Variants in GPRC6A observed in about 807,000 individuals in gnomAD.
The protein encoded by GPRC6A is G protein-coupled receptor class C group 6 member A.
A neutral mutation model predicts 47.0 loss-of-function variants in GPRC6A; 54 were observed. That is an observed-to-expected ratio of 1.15 (90% CI 0.92 to 1.44). The LOEUF is 1.44. GPRC6A is among the 40% of genes most tolerant of loss of function. The pLI is 0.00. For synonymous variants in GPRC6A, 347 were observed against 377.1 expected, an observed-to-expected ratio of 0.92 and a Z score of 0.93; for missense variants, 1,112 against 1,105.5, an observed-to-expected ratio of 1.01 and a Z score of -0.08.
At chr6:116,810,885 G>A (rs527716497) in intron 1 of GPRC6A, among the ~76,000 whole-genome samples, 7 of 152,192 alleles carry the variant, frequency 4.6e-5, no homozygotes, top group South Asian at 2.1e-4. Context: ...TGTCACTGCC[G>A]TTGCCATCAT....
At chr6:116,819,995 A>T (rs1317586376) in intron 1 of GPRC6A, among the ~76,000 whole-genome samples, 4 of 150,832 alleles carry the variant, frequency 2.7e-5, no homozygotes, top group Non-Finnish European at 5.9e-5. Flanking sequence ...GAGAAGAATC[A>T]AATAGATGCA....
intron 1 of GPRC6A, among the ~76,000 whole-genome samples, chr6:116,810,559 A>T (rs1022462349): frequency 1.3e-5 from 2 of 151,730 alleles, no homozygotes; most frequent in Admixed American, 1.3e-4. Flanking sequence ...TAAAGTAAAT[A>T]ATAATAAAAA....
Position 116,792,190 on chromosome 6 carries a change from G to T in GPRC6A, c.2733C>A (p.Ala911=). ...GAGGCAAAGTTTTAGATACACTTGTGGCATTTTCCCTGCATATGTGTGCAA... is the reference window on the plus strand; with the variant it reads ...GAGGCAAAGTTTTAGATACACTTGTTGCATTTTCCCTGCATATGTGTGCAA... ...QAFAHICREN[A]TSVSKTLPRK... Residue 911 remains alanine (A), a synonymous_variant, in exon 6 of 6, where the codon GCC becomes GCA. Coordinates refer to ENST00000310357, the MANE Select transcript of GPRC6A (RefSeq NM_148963.4). 1 of 1,613,788 alleles carries T rather than the reference G, an allele frequency of 6.2e-7. No individual in the cohort carries two copies. The highest frequency in any genetic ancestry group is 8.5e-7 in the Non-Finnish European group (1 of 1,179,820).
At chr6:116,816,413 CT>C (rs1773207676) in intron 1 of GPRC6A, among the ~76,000 whole-genome samples, 2 of 152,222 alleles carry the variant, frequency 1.3e-5, no homozygotes, top group Non-Finnish European at 2.9e-5. Flanking sequence ...AAAATAATCT[CT>C]TTTAACTCCA....
At chr6:116,808,841 T>C (rs906794681) in intron 2 of GPRC6A, among the ~76,000 whole-genome samples, 3 of 152,082 alleles carry the variant, frequency 2.0e-5, no homozygotes, top group Admixed American at 2.0e-4. Flanking sequence ...ATTTTTTTTT[T>C]CAGAGATCTT....
chr6:116,811,520 CA>C (rs1359772245), intron 1 of GPRC6A, among the ~76,000 whole-genome samples: 1 of 151,614 alleles, frequency 6.6e-6, no homozygotes, highest in Non-Finnish European at 1.5e-5. Flanking sequence ...AATCAAAAAG[CA>C]ATTAATGAAA....
chr6:116,807,143 T>C lies in GPRC6A; in HGVS notation c.562A>G (p.Thr188Ala), dbSNP rs780221524. 1.2e-6 allele frequency: 2 copies of C among 1,613,518 alleles called. No individual in the cohort carries two copies. The highest frequency in any genetic ancestry group is 1.3e-5 in the African/African-American group (1 of 74,988). Reference protein sequence around the residue: ...DKIRFPSFLRTVPSDFHQIKA... With the variant: ...DKIRFPSFLRAVPSDFHQIKA... ...ATTTGATGGAAGTCACTGGGCACAG[T>C]CCGTAAAAATGAAGGAAAGCGAATT... Residue 188 changes from threonine (T) to alanine (A), a missense_variant, in exon 3 of 6, where the codon ACT (threonine) becomes GCT (alanine). Coordinates refer to ENST00000310357, the MANE Select transcript of GPRC6A (RefSeq NM_148963.4).
At chr6:116,824,610 C>T (rs1379792925) in intron 1 of GPRC6A, among the ~76,000 whole-genome samples, 1 of 151,870 alleles carries the variant, frequency 6.6e-6, no homozygotes, top group African/African-American at 2.4e-5. Flanking sequence ...AAAAAGCCCC[C>T]AATAAATAAT....
At chr6:116,810,144 C>T (rs1357425302) in intron 1 of GPRC6A, among the ~76,000 whole-genome samples, 2 of 152,118 alleles carry the variant, frequency 1.3e-5, no homozygotes, top group African/African-American at 4.8e-5. Context: ...ATTTTTTATA[C>T]ATCTTGATTT....
Position 116,792,758 on chromosome 6 carries a change from C to A in GPRC6A, c.2165G>T (p.Trp722Leu). 1 of 1,613,958 alleles carries A rather than the reference C, an allele frequency of 6.2e-7. No homozygotes were observed. Among genetic ancestry groups the A allele is most frequent in the South Asian group, 1.1e-5 (1 of 91,066 alleles). ...TGIQVVICTLWLIFAAPTVEV... is the reference protein window; with the variant it reads ...TGIQVVICTLLLIFAAPTVEV... ...TACAGTAGGTGCTGCAAAGATTAGCCAGAGTGTGCAAATGACAACCTGGAT... is the reference window on the plus strand; with the variant it reads ...TACAGTAGGTGCTGCAAAGATTAGCAAGAGTGTGCAAATGACAACCTGGAT... Residue 722 changes from tryptophan (W) to leucine (L), a missense_variant, in exon 6 of 6, where the codon TGG becomes TTG. Coordinates refer to ENST00000310357, the MANE Select transcript of GPRC6A (RefSeq NM_148963.4).
At chr6:116,821,265 G>T (rs1338158128) in intron 1 of GPRC6A, among the ~76,000 whole-genome samples, 2 of 152,088 alleles carry the variant, frequency 1.3e-5, no homozygotes, top group African/African-American at 4.8e-5. Context: ...AATCAATATT[G>T]TGAAAATGGC....
intron 1 of GPRC6A, among the ~76,000 whole-genome samples, chr6:116,812,244 G>T (rs753350397): frequency 7.2e-5 from 11 of 152,118 alleles, no homozygotes; most frequent in African/African-American, 1.9e-4. Flanking sequence ...AAAAAACCCT[G>T]CCAGCCAAGG....
At chr6:116,813,328 G>A (rs1241592739) in intron 1 of GPRC6A, among the ~76,000 whole-genome samples, 1 of 152,262 alleles carries the variant, frequency 6.6e-6, no homozygotes, top group Middle Eastern at 3.4e-3. Flanking sequence ...GAACAAAGCT[G>A]GAGGCATTGT....
Position 116,809,358 on chromosome 6 carries a change from T to C in GPRC6A, c.454A>G (p.Thr152Ala). ...TTCAACATCCTGGAGACAGCCATAG[T>C]TATTTCTGAGTACCCAGAACCTATG... ...AVIGSGYSEI[T>A]MAVSRMLNLQ... Residue 152 changes from threonine to alanine, a missense_variant, in exon 2 of 6, where the codon ACT becomes GCT. Transcript: ENST00000310357. 6.2e-7 allele frequency: 1 copy of C among 1,613,672 alleles called. No homozygotes were observed. The highest frequency in any genetic ancestry group is 8.5e-7 in the Non-Finnish European group (1 of 1,179,712).
At chr6:116,804,682 T>C (rs1772783696) in intron 3 of GPRC6A, among the ~76,000 whole-genome samples, 1 of 152,108 alleles carries the variant, frequency 6.6e-6, no homozygotes, top group South Asian at 2.1e-4. Flanking sequence ...ATAAAACATT[T>C]TAGGAGACTC....
chr6:116,819,812 A>G (rs2114616701), intron 1 of GPRC6A, among the ~76,000 whole-genome samples: 1 of 151,246 alleles, frequency 6.6e-6, no homozygotes, highest in East Asian at 2.0e-4. Context: ...GAAAAGCAAG[A>G]GCAAACACAT....
rs775851366 is a variant in GPRC6A at position 116,806,491 on chromosome 6, T to A, written c.1214A>T (p.Asp405Val). 3.3e-5 allele frequency: 53 copies of A among 1,613,406 alleles called. No individual in the cohort carries two copies. The highest frequency in any genetic ancestry group is 4.2e-5 in the Non-Finnish European group (50 of 1,179,708). ...NFVMRNDFLW[D>V]YAEPGLIHSI... ...ATGAATGAGTCCTGGCTCAGCATAG[T>A]CCCAGAGGAAGTCATTTCTCATGAC... Residue 405 changes from aspartate to valine, a missense_variant, in exon 3 of 6, where the codon GAC (aspartate) becomes GTC (valine). Coordinates refer to ENST00000310357, the MANE Select transcript of GPRC6A (RefSeq NM_148963.4).
At position 116,806,871 on chromosome 6, in the gene GPRC6A, C is replaced by G. The variant is rs772649199; in HGVS notation, c.834G>C (p.Leu278=). 6.2e-7 allele frequency: 1 copy of G among 1,613,358 alleles called. No homozygotes were observed. The highest frequency in any genetic ancestry group is 1.1e-5 in the South Asian group (1 of 91,050). The change falls in exon 3 of 6, where the codon CTG becomes CTC. Residue 278 remains leucine, a synonymous_variant. Transcript: ENST00000310357. The part of the protein sequence containing the change: ...EAQVNVIVVF[L]RQFHVFDLFN... ...AGAGATCAAAAACATGGAATTGCCT[C>G]AGAAATACCACAATGACATTAACCT...
intron 1 of GPRC6A, among the ~76,000 whole-genome samples, chr6:116,812,725 C>G (rs1382445540): frequency 6.6e-6 from 1 of 152,236 alleles, no homozygotes; most frequent in East Asian, 1.9e-4. Flanking sequence ...TCTCACCACT[C>G]CTATTCAACA....
Sources: allele counts gnomAD v4.1 joint callset (sites outside exome capture counted in the v4.1 genomes callset), GRCh38; gene constraint gnomAD v4.1.1; transcripts MANE v1.5; gene names NCBI Gene and HGNC (gene_info 2026-07-23, HGNC 2026-07-21).